Variants in PLEKHG7 observed in about 807,000 individuals in gnomAD.
The protein encoded by PLEKHG7 is pleckstrin homology and RhoGEF domain containing G7.
A neutral mutation model predicts 85.2 loss-of-function variants in PLEKHG7; 77 were observed. That is an observed-to-expected ratio of 0.90 (90% CI 0.75 to 1.09). The LOEUF is 1.09. PLEKHG7 is among the 50% of genes least tolerant of loss of function. The pLI is 0.00. For missense variants in PLEKHG7, 777 were observed against 804.3 expected (o/e 0.97, Z 0.41); for synonymous variants, 301 against 302.4 (o/e 1.00, Z 0.05).
chr12:92,767,956 A>C (rs1429378986), intron 15 of PLEKHG7, among the ~76,000 whole-genome samples: 6 of 152,158 alleles, frequency 3.9e-5, no homozygotes, highest in African/African-American at 1.4e-4. Flanking sequence ...CTATAATCCT[A>C]GCACTTTGGG....
At chr12:92,727,551 G>A (rs1364854766) in intron 3 of PLEKHG7, among the ~76,000 whole-genome samples, 2 of 151,920 alleles carry the variant, frequency 1.3e-5, no homozygotes, top group South Asian at 2.1e-4. Flanking sequence ...TAGGATAATG[G>A]CCTCCAGCTC....
chr12:92,759,827 C>T (rs1245580168), intron 13 of PLEKHG7, among the ~76,000 whole-genome samples: 1 of 152,188 alleles, frequency 6.6e-6, no homozygotes, highest in Non-Finnish European at 1.5e-5. Context: ...AGGTCTAGTG[C>T]TGTACCATTC....
intron 9 of PLEKHG7, 71 bp downstream of exon 9, chr12:92,741,663 C>A: frequency 8.8e-7 from 1 of 1,142,726 alleles, no homozygotes; most frequent in Non-Finnish European, 1.3e-6. Context: ...TTGTTTATAC[C>A]CTACTTGATT....
In PLEKHG7 at chr12:92,741,617, G is replaced by A. The variant is rs759941568; in HGVS notation, c.1137+25G>A. On this transcript the variant is annotated intron_variant, in intron 9 of 16. Coordinates refer to ENST00000344636, the MANE Select transcript of PLEKHG7 (RefSeq NM_001377329.1). ...GGTAAACTCCTTCTGGGAGACCTCA[G>A]CTTCATGTAGTAAAATCACCCACCT... 20 of 1,562,086 alleles carry A rather than the reference G, an allele frequency of 1.3e-5. No individual in the cohort carries two copies. In the South Asian group the frequency reaches 1.9e-4, roughly 15 times the overall value.
intron 4 of PLEKHG7, 98 bp downstream of exon 4, chr12:92,729,218 T>C: frequency 8.4e-7 from 1 of 1,193,042 alleles, no homozygotes; most frequent in Non-Finnish European, 1.0e-6. Context: ...ATTAGTAGAA[T>C]ATATGCACTG....
In PLEKHG7 at chr12:92,737,615, AAGAG is replaced by A. The variant is rs1232355407; in HGVS notation, c.939+98_939+101del. 5 of 1,255,260 alleles carry A rather than the reference AAGAG, an allele frequency of 4.0e-6. No individual in the cohort carries two copies. In the African/African-American group the frequency reaches 6.1e-5, roughly 15 times the overall value. 77.8% of individuals were successfully genotyped at this position (1,255,260 alleles called of 1,614,324 possible). A position where few individuals can be genotyped will look rare whatever the true frequency, so the allele number is the denominator to read the frequency against. On this transcript the variant is annotated intron_variant, in intron 7 of 16. Transcript: ENST00000344636. ...TCTTCTGAAAGAAATAAAGAAAAGA[AAGAG>A]AGAAAAGAAAGAAAGAGAAAGAGAG...
intron 3 of PLEKHG7, chr12:92,708,671 A>G (rs369366243): frequency 6.6e-6 from 1 of 152,174 alleles, no homozygotes; most frequent in African/African-American, 2.4e-5. Flanking sequence ...AAGGGCTCCC[A>G]TGGGTCCATG....
intron 8 of PLEKHG7, 152 bp downstream of exon 8, chr12:92,741,100 T>C (rs1442969990): frequency 3.6e-6 from 2 of 559,230 alleles, no homozygotes; most frequent in Non-Finnish European, 3.1e-6. Context: ...AGTTGAAATA[T>C]CCATTATGCC....
At chr12:92,752,323 G>A (rs533972772) in intron 10 of PLEKHG7, among the ~76,000 whole-genome samples, 1 of 152,238 alleles carries the variant, frequency 6.6e-6, no homozygotes, top group South Asian at 2.1e-4. Context: ...GGGGTTTACA[G>A]CAGAAACTAA....
chr12:92,726,640 T>A (rs1248438789), intron 3 of PLEKHG7, among the ~76,000 whole-genome samples: 2 of 152,140 alleles, frequency 1.3e-5, no homozygotes, highest in Non-Finnish European at 2.9e-5. Context: ...TTTTGCTCCT[T>A]AGAGATCACT....
At chr12:92,711,547 C>T (rs1211113338) in intron 3 of PLEKHG7, among the ~76,000 whole-genome samples, 3 of 152,018 alleles carry the variant, frequency 2.0e-5, no homozygotes, top group Non-Finnish European at 4.4e-5. Flanking sequence ...CAGTTCAGGT[C>T]GCATGGTGAC....
Position 92,736,024 on chromosome 12 carries a change from G to A in PLEKHG7, c.700-458G>A, listed in dbSNP as rs534557798. ...ATTCTGTAGCAGAGAATTATTGTTT[G>A]GGGCAACTCGCTTGAACACTGGGCT... On this transcript the variant is annotated intron_variant, in intron 5 of 16. Coordinates refer to ENST00000344636, the MANE Select transcript of PLEKHG7 (RefSeq NM_001377329.1). 8.2e-4 allele frequency among the ~76,000 whole-genome samples: 124 copies of A among 151,966 alleles called. 1 individual carries two copies. The highest frequency in any genetic ancestry group is 1.4e-3 in the Non-Finnish European group (96 of 67,940).
At chr12:92,721,293 C>T (rs1232206751) in intron 3 of PLEKHG7, among the ~76,000 whole-genome samples, 1 of 152,188 alleles carries the variant, frequency 6.6e-6, no homozygotes, top group East Asian at 1.9e-4. Flanking sequence ...ACAGCTGCCT[C>T]ATTGTTGAGT....
At chr12:92,751,946 G>T (rs999486564) in intron 10 of PLEKHG7, among the ~76,000 whole-genome samples, 7 of 151,874 alleles carry the variant, frequency 4.6e-5, no homozygotes, top group Non-Finnish European at 8.8e-5. Context: ...GAGACCAGGA[G>T]GTCAAGGCTG....
At chr12:92,707,710 TG>T (rs1239494723) in intron 3 of PLEKHG7, 38 bp downstream of exon 3, 6 of 1,613,654 alleles carry the variant, frequency 3.7e-6, no homozygotes, top group Non-Finnish European at 5.1e-6. Context: ...CTATGACATC[TG>T]TTGACTATTT....
intron 3 of PLEKHG7, among the ~76,000 whole-genome samples, chr12:92,711,800 C>T (rs1871372226): frequency 6.6e-6 from 1 of 152,210 alleles, no homozygotes; most frequent in African/African-American, 2.4e-5. Context: ...GGCAGAGCAG[C>T]TTGCACAGCA....
At chr12:92,708,929 C>T (rs1051024975) in intron 3 of PLEKHG7, among the ~76,000 whole-genome samples, 1 of 152,030 alleles carries the variant, frequency 6.6e-6, no homozygotes, top group African/African-American at 2.4e-5. Context: ...GTAAATCTTC[C>T]ATACATGTGA....
At chr12:92,762,675 G>A (rs1873074661) in intron 14 of PLEKHG7, among the ~76,000 whole-genome samples, 1 of 152,130 alleles carries the variant, frequency 6.6e-6, no homozygotes, top group Non-Finnish European at 1.5e-5. Context: ...CTAAGAGGTG[G>A]GAAGAGGAAC....
chr12:92,709,291 G>A (rs895498103), intron 3 of PLEKHG7, among the ~76,000 whole-genome samples: 2 of 152,226 alleles, frequency 1.3e-5, no homozygotes, highest in African/African-American at 4.8e-5. Context: ...GTGAATGGTA[G>A]CCTATCAGGG....
Sources: gnomAD v4.1 joint callset for allele counts (sites outside exome capture counted in the v4.1 genomes callset) on GRCh38, gnomAD v4.1.1 for gene constraint, MANE v1.5 for transcripts, NCBI Gene and HGNC (gene_info 2026-07-23, HGNC 2026-07-21) for gene names.